Variants in TUT4 observed in about 807,000 individuals in gnomAD.
The protein encoded by TUT4 is terminal uridylyltransferase 4.
A neutral mutation model predicts 192.2 loss-of-function variants in TUT4; 36 were observed. The ratio of observed to expected loss-of-function variants is 0.19; its 90% CI spans 0.14 to 0.25. TUT4 has a LOEUF of 0.25. Among genes scored for constraint, TUT4 ranks in the 10% least tolerant of loss-of-function variants. The pLI is 1.00. For synonymous variants in TUT4, 618 were observed against 666.0 expected, an observed-to-expected ratio of 0.93 and a Z score of 1.11; for missense variants, 1,493 against 1,957.2, an observed-to-expected ratio of 0.76 and a Z score of 4.47.
intron 2 of TUT4, among the ~76,000 whole-genome samples, chr1:52,519,561 G>T (rs533607184): frequency 6.6e-6 from 1 of 151,482 alleles, no homozygotes; most frequent in African/African-American, 2.4e-5. Flanking sequence ...CCAGACTGGA[G>T]TGCAGTGGTG....
chr1:52,439,913 C>T (rs1392786718), intron 24 of TUT4, among the ~76,000 whole-genome samples: 1 of 152,016 alleles, frequency 6.6e-6, no homozygotes, highest in Non-Finnish European at 1.5e-5. Flanking sequence ...GTGGTATATC[C>T]ATACAATGGA....
intron 24 of TUT4, among the ~76,000 whole-genome samples, chr1:52,441,120 T>C (rs1169811984): frequency 6.6e-6 from 1 of 152,028 alleles, no homozygotes; most frequent in Non-Finnish European, 1.5e-5. Context: ...GAAGTAATTT[T>C]TCATAAAGAA....
intron 1 of TUT4, among the ~76,000 whole-genome samples, chr1:52,540,893 C>T (rs983675603): frequency 2.0e-5 from 3 of 152,102 alleles, no homozygotes; most frequent in African/African-American, 7.2e-5. Flanking sequence ...ATTATTAAAA[C>T]TGAGAAATTT....
At chr1:52,469,517 G>A (rs1665108774) in intron 14 of TUT4, among the ~76,000 whole-genome samples, 1 of 152,104 alleles carries the variant, frequency 6.6e-6, no homozygotes, top group Non-Finnish European at 1.5e-5. Context: ...GTTGGAGTGG[G>A]GGCTAAAACG....
At chr1:52,463,410 G>A in intron 16 of TUT4, 2 of 1,014,260 alleles carry the variant, frequency 2.0e-6, no homozygotes, top group South Asian at 3.8e-5. Flanking sequence ...TAAGACACCA[G>A]AAGCAACTTC....
At chr1:52,432,277 C>T (rs1436665106) in intron 27 of TUT4, 1 of 152,048 alleles carries the variant, frequency 6.6e-6, no homozygotes, top group East Asian at 1.9e-4. Context: ...AGCTGAGACT[C>T]AGGGTAAACA....
intron 20 of TUT4, among the ~76,000 whole-genome samples, chr1:52,452,843 A>C (rs766466423): frequency 6.6e-6 from 1 of 152,200 alleles, no homozygotes; most frequent in African/African-American, 2.4e-5. Context: ...CCCAAACTTT[A>C]AGCTGGTCAG....
At chr1:52,478,018 G>T (rs1030767975) in intron 11 of TUT4, 136 bp from the exon 12 acceptor site, 1 of 759,304 alleles carries the variant, frequency 1.3e-6, no homozygotes, top group Non-Finnish European at 2.1e-6. Flanking sequence ...AAAGCAGTCA[G>T]TTTGAAGCAA....
At chr1:52,462,519 G>A (rs1405521523) in intron 16 of TUT4, 4 of 168,666 alleles carry the variant, frequency 2.4e-5, no homozygotes, top group Non-Finnish European at 3.6e-5. Context: ...TTAGCTGTGT[G>A]ACTAACCAGA....
At chr1:52,541,728 A>G (rs1476239160) in intron 1 of TUT4, among the ~76,000 whole-genome samples, 2 of 152,250 alleles carry the variant, frequency 1.3e-5, no homozygotes, top group Non-Finnish European at 2.9e-5. Flanking sequence ...GAAAAGAGAT[A>G]AATGGGACTT....
Position 52,475,309 on chromosome 1 carries a change from C to T in TUT4, c.2250G>A (p.Gly750=). 1 of 1,613,936 alleles carries T rather than the reference C, an allele frequency of 6.2e-7. No homozygotes were observed. The highest frequency in any genetic ancestry group is 8.5e-7 in the Non-Finnish European group (1 of 1,179,996). ...NMATNGCILL[G]ETTEKINAER... is the part of the protein sequence containing the mutation. ...CTGCATTTATTTTTTCTGTGGTTTCCCCAAGCAGAATACAACCATTGGTTG... is the reference window on the plus strand; with the variant it reads ...CTGCATTTATTTTTTCTGTGGTTTCTCCAAGCAGAATACAACCATTGGTTG... Residue 750 remains glycine, a synonymous_variant, in exon 13 of 30, where the codon GGG becomes GGA. Transcript: ENST00000257177.
At chr1:52,524,340 G>A (rs915235173) in intron 2 of TUT4, among the ~76,000 whole-genome samples, 4 of 151,538 alleles carry the variant, frequency 2.6e-5, no homozygotes, top group African/African-American at 4.9e-5. Context: ...TTGAGACCAC[G>A]GTGAAACCCC....
chr1:52,442,398 A>G (rs1008342592), intron 24 of TUT4, among the ~76,000 whole-genome samples: 1 of 152,236 alleles, frequency 6.6e-6, no homozygotes, highest in East Asian at 1.9e-4. Context: ...TCTATCTTGC[A>G]TGCTGTTATA....
chr1:52,445,710 C>T, intron 24 of TUT4, 77 bp downstream of exon 24: 1 of 1,085,096 alleles, frequency 9.2e-7, no homozygotes, highest in Non-Finnish European at 1.4e-6. Flanking sequence ...TATCTAACAT[C>T]AGTTTGGAAA....
At chr1:52,445,169 A>ACCTCTG (rs1261604358) in intron 24 of TUT4, among the ~76,000 whole-genome samples, 1 of 151,762 alleles carries the variant, frequency 6.6e-6, no homozygotes, top group East Asian at 1.9e-4. Context: ...TCTGAAGCTA[A>ACCTCTG]AACCTCCTGC....
At chr1:52,441,306 CAG>C (rs1235372431) in intron 24 of TUT4, among the ~76,000 whole-genome samples, 2 of 132,560 alleles carry the variant, frequency 1.5e-5, no homozygotes, top group African/African-American at 2.9e-5. Context: ...TTTTTTGAGA[CAG>C]AGTGTCGTTC....
intron 15 of TUT4, among the ~76,000 whole-genome samples, chr1:52,465,669 A>C (rs1295239754): frequency 2.0e-5 from 3 of 152,226 alleles, no homozygotes; most frequent in African/African-American, 7.2e-5. Context: ...CTGCCCTCTT[A>C]AAAATAAATT....
At chr1:52,447,253 G>A (rs1053403332) in intron 20 of TUT4, among the ~76,000 whole-genome samples, 1 of 152,054 alleles carries the variant, frequency 6.6e-6, no homozygotes, top group Non-Finnish European at 1.5e-5. Context: ...TTTGAGACCA[G>A]CCTGGCCAAC....
intron 28 of TUT4, among the ~76,000 whole-genome samples, chr1:52,428,668 G>A (rs145013623): frequency 0.024 from 3,584 of 149,396 alleles, 145 homozygotes; most frequent in African/African-American, 0.085. Context: ...ATGGTGGTGC[G>A]CACCTGTAGT....
Sources: allele counts gnomAD v4.1 joint callset (sites outside exome capture counted in the v4.1 genomes callset), GRCh38; gene constraint gnomAD v4.1.1; transcripts MANE v1.5; gene names NCBI Gene and HGNC (gene_info 2026-07-23, HGNC 2026-07-21).